The following CGN variants were observed in gnomAD, a reference collection of about 807,000 sequenced individuals.
The protein encoded by CGN is cingulin.
CGN carries 121 observed loss-of-function variants against 157.1 expected under a neutral mutation model. That is an observed-to-expected ratio of 0.77 (90% CI 0.66 to 0.90). The LOEUF is 0.90. CGN is among the 40% of genes least tolerant of loss of function. The pLI, the probability that CGN is intolerant of heterozygous loss-of-function variation, is 0.00. For synonymous variants in CGN, 535 were observed against 607.5 expected (o/e 0.88, Z 1.76); for missense variants, 1,424 against 1,520.9 (o/e 0.94, Z 1.06).
chr1:151,516,150 A>ATCCCTTCCCC (rs1328634591), intron 1 of CGN, among the ~76,000 whole-genome samples: 1 of 152,046 alleles, frequency 6.6e-6, no homozygotes, highest in Non-Finnish European at 1.5e-5. Context: ...TGCCTCTCCC[A>ATCCCTTCCCC]TCCCTTCCCC....
At chr1:151,516,624 C>T (rs1324401177) in intron 1 of CGN, among the ~76,000 whole-genome samples, 8 of 150,952 alleles carry the variant, frequency 5.3e-5, no homozygotes, top group African/African-American at 2.0e-4. Flanking sequence ...GTCACTGTAA[C>T]CTCCGTCTCC....
rs1665020317 is a variant in CGN at position 151,538,310 on chromosome 1, A to T, written c.*964A>T. On this transcript the variant is annotated 3_prime_UTR_variant, in exon 21 of 21. Coordinates refer to ENST00000271636, the MANE Select transcript of CGN (RefSeq NM_020770.3). ...TGTGGCCTTCCTTGGGGCTTCTCTG[A>T]CCACATGTGCCCAACTTCAATAAGA... 6.6e-6 allele frequency: 1 copy of T among 152,218 alleles called. No homozygotes were observed. The allele number at this position is 152,218 out of a possible 1,614,324, so 9.4% of individuals were successfully genotyped here. A position where few individuals can be genotyped will look rare whatever the true frequency, so the allele number is the denominator to read the frequency against.
chr1:151,536,041 A>G (rs1316114412), intron 18 of CGN, 143 bp downstream of exon 18: 2 of 712,016 alleles, frequency 2.8e-6, no homozygotes, highest in Admixed American at 4.8e-5. Context: ...TTCTCCTGAT[A>G]GAGAGCAAAG....
In CGN at chr1:151,524,808, C is replaced by T; in HGVS notation, c.1536C>T (p.Asp512=). 6.2e-7 allele frequency: 1 copy of T among 1,612,640 alleles called. No homozygotes were observed. The highest frequency in any genetic ancestry group is 1.1e-5 in the South Asian group (1 of 90,990). The stretch of plus-strand genomic sequence containing the variant: ...TGAAAGAGGAGGTAGCCTCCCGTGA[C>T]CAGGAGGTGGAACATGTCCGGCAGC... ...GALKEEVASR[D]QEVEHVRQQY... Residue 512 remains aspartate (D), a synonymous_variant, in exon 8 of 21, where the codon GAC becomes GAT. Coordinates refer to ENST00000271636, the MANE Select transcript of CGN (RefSeq NM_020770.3). This position sits in a 1 kb window ranked among gnomAD's most constrained non-coding sequence, Gnocchi z 4.4.
rs1172011291 is a variant in CGN, at chr1:151,532,530, G to T, written c.2700G>T (p.Glu900Asp). Reference sequence around the variant, plus strand: ...GCCAGGCCAAGGATTGGGCCAGTGAGGCTGAGAAGACCTCTGGAGGACTGA... The same window carrying T: ...GCCAGGCCAAGGATTGGGCCAGTGATGCTGAGAAGACCTCTGGAGGACTGA... ...AQRQAKDWAS[E>D]AEKTSGGLSR... is the part of the protein sequence containing the mutation. Residue 900 changes from glutamate (E) to aspartate (D), a missense_variant, in exon 14 of 21, where the codon GAG becomes GAT. Around this residue, in one of 3 missense-constraint regions of CGN, gnomAD observed 1,187 missense variants for 1,217.6 expected, o/e 0.97. Transcript: ENST00000271636. 2 of 1,595,654 alleles carry T rather than the reference G, an allele frequency of 1.3e-6. No homozygotes were observed. Among genetic ancestry groups the T allele is most frequent in the Non-Finnish European group, 1.7e-6 (2 of 1,172,710 alleles).
At chr1:151,517,552 C>T (rs532309736) in intron 1 of CGN, among the ~76,000 whole-genome samples, 2 of 151,268 alleles carry the variant, frequency 1.3e-5, no homozygotes, top group African/African-American at 2.4e-5. Flanking sequence ...CTTTTGTCAC[C>T]CAAGCTGGAG....
Position 151,530,635 on chromosome 1 carries a change from C to CCGGG in CGN, c.2462_2465dup (p.Leu823GlyfsTer18). 1.2e-6 allele frequency: 2 copies of CCGGG among 1,602,654 alleles called. No individual in the cohort carries two copies. Among genetic ancestry groups the CCGGG allele is most frequent in the South Asian group, 2.2e-5 (2 of 90,004 alleles). On this transcript the variant is annotated frameshift_variant, in exon 13 of 21. Coordinates refer to ENST00000271636, the MANE Select transcript of CGN (RefSeq NM_020770.3). LOFTEE classifies it high-confidence loss of function. Reference sequence around the variant, plus strand: ...TGGGGCAGGAGCAGCAGACACTGAACCGGGCCCTGGAGGAGGAAGGGAAGC... The same window carrying CCGGG: ...TGGGGCAGGAGCAGCAGACACTGAACCGGGCGGGCCCTGGAGGAGGAAGGGAAGC...
At chr1:151,527,712 T>G (rs1407536257) in intron 10 of CGN, 1 of 155,982 alleles carries the variant, frequency 6.4e-6, no homozygotes, top group Non-Finnish European at 1.4e-5. Context: ...AAGTAGCTAA[T>G]AGCTAATAAT....
intron 15 of CGN, 110 bp downstream of exon 15, chr1:151,534,246 A>C: frequency 1.9e-6 from 2 of 1,050,114 alleles, no homozygotes; most frequent in Non-Finnish European, 2.7e-6. Flanking sequence ...GTTTGGCTGC[A>C]GTATTTTCAA....
upstream of CGN, among the ~76,000 whole-genome samples, chr1:151,511,220 GCC>G (rs1664276130): frequency 6.6e-6 from 1 of 152,190 alleles, no homozygotes; most frequent in South Asian, 2.1e-4. This position sits in a 1 kb window ranked among gnomAD's most constrained non-coding sequence, Gnocchi z 4.8. Flanking sequence ...ACGTGACCTG[GCC>G]CGCCCTTCGC....
intron 5 of CGN, 68 bp downstream of exon 5, chr1:151,520,759 G>A (rs1664528119): frequency 7.8e-7 from 1 of 1,288,162 alleles, no homozygotes; most frequent in Non-Finnish European, 1.1e-6. Flanking sequence ...CTGGAGATGG[G>A]CTGAGCTGAC....
At chr1:151,530,203 C>A in intron 12 of CGN, 88 bp downstream of exon 12, 1 of 1,399,766 alleles carries the variant, frequency 7.1e-7, no homozygotes, top group Non-Finnish European at 9.8e-7. Context: ...TTCACTTTGC[C>A]CTTAGTGTGC....
chr1:151,523,779 CCT>C (rs1385502206), intron 6 of CGN, among the ~76,000 whole-genome samples: 3 of 152,160 alleles, frequency 2.0e-5, no homozygotes, highest in Non-Finnish European at 2.9e-5. Flanking sequence ...CCTGGGTTTG[CCT>C]CTGTCTCAGA....
At chr1:151,536,148 T>G in intron 18 of CGN, 89 bp from the exon 19 acceptor site, 1 of 856,536 alleles carries the variant, frequency 1.2e-6, no homozygotes, top group Non-Finnish European at 2.0e-6. Flanking sequence ...AGCTCATGGC[T>G]GAGAGGAGTC....
intron 16 of CGN, among the ~76,000 whole-genome samples, chr1:151,535,344 T>C (rs1015124845): frequency 2.6e-5 from 4 of 152,270 alleles, no homozygotes; most frequent in Middle Eastern, 3.4e-3. Flanking sequence ...GGGATCCTGG[T>C]GGCCTGGGCT....
chr1:151,516,542 C>CTTT (rs11335459), intron 1 of CGN, among the ~76,000 whole-genome samples: 1 of 127,594 alleles, frequency 7.8e-6, no homozygotes, highest in African/African-American at 2.9e-5. Flanking sequence ...TAAAGTGGCA[C>CTTT]TTTTTTTTTT....
intron 2 of CGN, among the ~76,000 whole-genome samples, 184 bp from the exon 3 acceptor site, chr1:151,519,982 G>A (rs1208576244): frequency 1.3e-5 from 2 of 152,122 alleles, no homozygotes; most frequent in African/African-American, 4.8e-5. Context: ...CCTCTCCCTG[G>A]CCTGTTGCTC....
intron 6 of CGN, 119 bp downstream of exon 6, chr1:151,523,680 G>A (rs560629652): frequency 3.9e-6 from 4 of 1,018,206 alleles, no homozygotes; most frequent in African/African-American, 3.2e-5. Flanking sequence ...AAGCTGAAAG[G>A]GGCAGTGTTG....
intron 14 of CGN, among the ~76,000 whole-genome samples, chr1:151,532,910 C>T (rs1025059394): frequency 3.3e-5 from 5 of 152,038 alleles, no homozygotes; most frequent in African/African-American, 7.2e-5. Flanking sequence ...TGAGCCACTG[C>T]GCCCAGCCCG....
Sources: gnomAD v4.1 joint callset for allele counts (sites outside exome capture counted in the v4.1 genomes callset) on GRCh38, gnomAD v4.1.1 for gene constraint, gnomAD v4.1.1 regional missense constraint, Gnocchi (gnomAD v3.1) non-coding constraint, MANE v1.5 for transcripts, NCBI Gene and HGNC (gene_info 2026-07-23, HGNC 2026-07-21) for gene names.